The following TDRD12 variants were observed in gnomAD, a reference collection of about 807,000 sequenced individuals.
The protein encoded by TDRD12 is tudor domain containing 12.
TDRD12 carries 158 observed loss-of-function variants against 133.5 expected under a neutral mutation model. That is an observed-to-expected ratio of 1.18 (90% CI 1.04 to 1.35). The LOEUF (loss-of-function observed/expected upper bound fraction) is 1.35. Ranked by LOEUF, TDRD12 falls within the 40% of genes most tolerant of loss-of-function variation. The probability of loss-of-function intolerance (pLI) is 0.00; values close to 1 mark genes in which losing one functional copy is unlikely to be tolerated. For missense variants in TDRD12, 1,443 were observed against 1,321.3 expected, an observed-to-expected ratio of 1.09 and a Z score of -1.43; for synonymous variants, 460 against 477.9, an observed-to-expected ratio of 0.96 and a Z score of 0.49.
downstream of TDRD12, chr19:32,821,369 AGTGTGTGTGTGTGTGTGTGTGTGTGT>A (rs59054756): frequency 2.0e-5 from 7 of 351,484 alleles, no homozygotes; most frequent in Non-Finnish European, 3.7e-5. Context: ...AGCTCAGCAG[AGTGTGTGTGTGTGTGTGTGTGTGTGT>A]GTGTGTGTGT....
At chr19:32,800,496 A>T in intron 17 of TDRD12, 138 bp downstream of exon 17, 1 of 951,490 alleles carries the variant, frequency 1.1e-6, no homozygotes, top group Non-Finnish European at 1.5e-6. Context: ...TATATAAATT[A>T]TGAATGAAAT....
chr19:32,824,479 C>T (rs1385943852), downstream of TDRD12: 1 of 152,950 alleles, frequency 6.5e-6, no homozygotes, highest in Admixed American at 6.5e-5. Context: ...GCTGCCTGCT[C>T]TTGCCCTCCT....
chr19:32,787,884 T>C (rs1970955664), intron 11 of TDRD12, among the ~76,000 whole-genome samples: 1 of 152,150 alleles, frequency 6.6e-6, no homozygotes, highest in African/African-American at 2.4e-5. Context: ...CCTTTCCCCT[T>C]GTGCTTCCCA....
Position 32,749,618 on chromosome 19 carries a change from A to G in TDRD12, c.497-166A>G, listed in dbSNP as rs1038016395. 5.3e-5 allele frequency among the ~76,000 whole-genome samples: 8 copies of G among 152,142 alleles called. No individual in the cohort carries two copies. The East Asian group carries it at 1.5e-3, about 29-fold the overall frequency. On this transcript the variant is annotated intron_variant, in intron 5 of 27. Transcript: ENST00000444215. ...AGGGACAGGACCCATAATCCACTCC[A>G]CAATCAGGAGTGCCTTTTCCTAACA... is the stretch of plus-strand genomic sequence containing the variant.
At chr19:32,758,068 C>T (rs1014113508) in intron 8 of TDRD12, among the ~76,000 whole-genome samples, 3 of 152,168 alleles carry the variant, frequency 2.0e-5, no homozygotes, top group Admixed American at 1.3e-4. Context: ...CTGGAGGCTC[C>T]CTACCCACTC....
intron 4 of TDRD12, 41 bp from the exon 5 acceptor site, chr19:32,748,435 A>G (rs750838262): frequency 1.3e-6 from 2 of 1,541,518 alleles, no homozygotes; most frequent in African/African-American, 2.7e-5. Context: ...TGCTAGCCTC[A>G]GATTTTTATG....
At chr19:32,723,841 G>C (rs1468596270) in intron 1 of TDRD12, among the ~76,000 whole-genome samples, 1 of 152,030 alleles carries the variant, frequency 6.6e-6, no homozygotes, top group East Asian at 1.9e-4. Flanking sequence ...AGACCTTTAA[G>C]TAATTACTGG....
intron 1 of TDRD12, among the ~76,000 whole-genome samples, chr19:32,728,505 C>T (rs1968928146): frequency 6.6e-6 from 1 of 152,040 alleles, no homozygotes; most frequent in African/African-American, 2.4e-5. Context: ...TCTGTGTAGA[C>T]AATTGTGTTC....
At chr19:32,807,595 G>A in exon 22 of TDRD12, 2 of 1,535,282 alleles carry the variant, frequency 1.3e-6, no homozygotes, top group Non-Finnish European at 1.7e-6. Flanking sequence ...TCCAGAAACG[G>A]ACTTGCCCAG....
At chr19:32,786,834 T>C (rs576688773) in intron 11 of TDRD12, among the ~76,000 whole-genome samples, 3 of 152,324 alleles carry the variant, frequency 2.0e-5, no homozygotes, top group Non-Finnish European at 2.9e-5. Context: ...CTGACCTTTT[T>C]TCAAGGTTTT....
chr19:32,738,879 G>A, exon 3 of TDRD12: 1 of 1,551,350 alleles, frequency 6.4e-7, no homozygotes, highest in Non-Finnish European at 8.7e-7. Context: ...ATTGTGAGGA[G>A]CTAAAGTGCT....
intron 11 of TDRD12, among the ~76,000 whole-genome samples, chr19:32,790,281 A>C (rs1473236634): frequency 6.6e-6 from 1 of 152,206 alleles, no homozygotes; most frequent in East Asian, 1.9e-4. Flanking sequence ...AGTAAAGTAC[A>C]CTAGTGATTC....
intron 13 of TDRD12, among the ~76,000 whole-genome samples, chr19:32,792,538 T>C (rs185608553): frequency 1.3e-4 from 19 of 151,892 alleles, no homozygotes; most frequent in Admixed American, 9.8e-4. Flanking sequence ...ACTCAGAAAG[T>C]AGAGGAAAAA....
intron 1 of TDRD12, among the ~76,000 whole-genome samples, chr19:32,730,735 G>A (rs1237780428): frequency 6.6e-6 from 1 of 152,094 alleles, no homozygotes; most frequent in Admixed American, 6.6e-5. Flanking sequence ...TGAGTTCTTG[G>A]CTGGGCGCGG....
chr19:32,771,119 A>G (rs1970431912), intron 8 of TDRD12, among the ~76,000 whole-genome samples: 1 of 152,190 alleles, frequency 6.6e-6, no homozygotes, highest in Non-Finnish European at 1.5e-5. Flanking sequence ...CAGGAGCTGC[A>G]TGTCACCTGT....
chr19:32,768,947 T>A (rs927418976), intron 8 of TDRD12, among the ~76,000 whole-genome samples: 1 of 152,204 alleles, frequency 6.6e-6, no homozygotes, highest in African/African-American at 2.4e-5. Context: ...CTCCATATGC[T>A]GGCCAGGCTG....
At chr19:32,826,701 G>T (rs1967602785) in intron 9 of TDRD12, 1 of 1,232,356 alleles carries the variant, frequency 8.1e-7, no homozygotes, top group Admixed American at 4.2e-5. Context: ...CGTGGCTTTT[G>T]ATTTTGATCA....
Position 32,810,073 on chromosome 19 carries a change from G to A in TDRD12, c.2653-20G>A. The A allele has an allele frequency of 6.9e-7, 1 of 1,454,330 alleles. No homozygotes were observed. Among genetic ancestry groups the A allele is most frequent in the Non-Finnish European group, 9.1e-7 (1 of 1,093,330 alleles). The allele number at this position is 1,454,330 out of a possible 1,614,324, so 90.1% of individuals were successfully genotyped here. On this transcript the variant is annotated intron_variant, in intron 22 of 27. Coordinates refer to ENST00000444215, the Ensembl canonical transcript of TDRD12. ...TAGACTAAGTTTGTTTCTTGGTCATGTTTACTATATATGTTTCAGATAATA... is the reference window on the plus strand; with the variant it reads ...TAGACTAAGTTTGTTTCTTGGTCATATTTACTATATATGTTTCAGATAATA...
intron 1 of TDRD12, among the ~76,000 whole-genome samples, chr19:32,726,514 T>A (rs1968866737): frequency 6.6e-6 from 1 of 152,224 alleles, no homozygotes; most frequent in South Asian, 2.1e-4. Context: ...ATCATACAGT[T>A]TATCCTTTTG....
Sources: gnomAD v4.1 joint callset for allele counts (sites outside exome capture counted in the v4.1 genomes callset) on GRCh38, gnomAD v4.1.1 for gene constraint, MANE v1.5 for transcripts, NCBI Gene and HGNC (gene_info 2026-07-23, HGNC 2026-07-21) for gene names.